Variants in ADAP1 observed in about 807,000 individuals in gnomAD.
ADAP1 encodes the protein arf-GAP with dual PH domain-containing protein 1.
ADAP1 carries 31 observed loss-of-function variants against 54.9 expected under a neutral mutation model. The observed-to-expected ratio is 0.56, with a 90% CI of 0.42 to 0.76. ADAP1 has a LOEUF of 0.76. Among genes scored for constraint, ADAP1 ranks in the 30% least tolerant of loss-of-function variants. The pLI is 0.00. For synonymous variants in ADAP1, 313 were observed against 202.6 expected, an observed-to-expected ratio of 1.55 and a Z score of -4.63; for missense variants, 535 against 512.4, an observed-to-expected ratio of 1.04 and a Z score of -0.42.
chr7:954,098 C>G (rs1412610147), intron 1 of ADAP1, among the ~76,000 whole-genome samples: 1 of 152,104 alleles, frequency 6.6e-6, no homozygotes, highest in Non-Finnish European at 1.5e-5. Context: ...GGCGGGCGGT[C>G]CGCGGTGACC....
At chr7:916,104 C>G (rs926485589) in intron 4 of ADAP1, among the ~76,000 whole-genome samples, 1 of 152,236 alleles carries the variant, frequency 6.6e-6, no homozygotes, top group African/African-American at 2.4e-5. Context: ...AAGTCACATC[C>G]CGGCCCGACC....
chr7:944,199 G>A (rs1847081825), intron 1 of ADAP1, among the ~76,000 whole-genome samples: 1 of 151,496 alleles, frequency 6.6e-6, no homozygotes, highest in Non-Finnish European at 1.5e-5. Flanking sequence ...TTACAGGCAT[G>A]AGCCACTTCG....
At chr7:900,913 C>T (rs769907765) in intron 6 of ADAP1, 43 of 578,046 alleles carry the variant, frequency 7.4e-5, no homozygotes, top group South Asian at 5.6e-4. Flanking sequence ...TGGACAGGGT[C>T]GGGGGCTGCC....
In ADAP1 at chr7:905,371, G is replaced by GAGAAAGGAGAAAGGA. The variant is rs376551972; in HGVS notation, c.389-200_389-199insTCCTTTCTCCTTTCT. 8.7e-4 allele frequency: 53 copies of GAGAAAGGAGAAAGGA among 60,656 alleles called. 9 individuals are homozygous for GAGAAAGGAGAAAGGA. Among genetic ancestry groups the GAGAAAGGAGAAAGGA allele is most frequent in the African/African-American group, 2.3e-3 (5 of 2,128 alleles). 3.8% of individuals were successfully genotyped at this position (60,656 alleles called of 1,614,324 possible). On this transcript the variant is annotated intron_variant, in intron 4 of 10. Transcript: ENST00000265846. ...GGAAGATGGGCAGGGAAAGGGAAAG[G>GAGAAAGGAGAAAGGA]GAAAGGAGAAAGGAGAAAGGAGAAA...
In ADAP1 at chr7:905,285, CG is replaced by C. The variant is rs1554271621; in HGVS notation, c.389-114del. On this transcript the variant is annotated intron_variant, in intron 4 of 10. Coordinates refer to ENST00000265846, the MANE Select transcript of ADAP1 (RefSeq NM_006869.4). ...GGGGAGAAGACACGGGGGACACGGACGGGGGACACGGACAGGGGGAGACGGA... is the reference window on the plus strand; with the variant it reads ...GGGGAGAAGACACGGGGGACACGGACGGGGACACGGACAGGGGGAGACGGA... The C allele has an allele frequency of 1.7e-4, 41 of 236,024 alleles. 1 individual carries two copies. The highest frequency in any genetic ancestry group is 1.9e-4 in the Non-Finnish European group (25 of 134,816). 14.6% of individuals were successfully genotyped at this position (236,024 alleles called of 1,614,324 possible).
chr7:919,167 G>A (rs964376716), intron 4 of ADAP1, among the ~76,000 whole-genome samples: 1 of 152,208 alleles, frequency 6.6e-6, no homozygotes, highest in Non-Finnish European at 1.5e-5. Context: ...CAGGCCTAGG[G>A]GAGGTGGAGG....
chr7:933,548 G>C (rs62433081), intron 2 of ADAP1, among the ~76,000 whole-genome samples: 430 of 104,492 alleles, frequency 4.1e-3, no homozygotes, highest in Middle Eastern at 0.017. Context: ...AGTGGTGCTG[G>C]AGAGCCGGGG....
chr7:918,915 G>A (rs1415687656), intron 4 of ADAP1, among the ~76,000 whole-genome samples: 1 of 40,524 alleles, frequency 2.5e-5, no homozygotes. Flanking sequence ...AGAAGCAGGA[G>A]TTGGGGACTG....
At position 926,694 on chromosome 7, in the gene ADAP1, C is replaced by T. The variant is rs1371806689; in HGVS notation, c.214-50G>A. 1.3e-5 allele frequency: 19 copies of T among 1,432,366 alleles called. No individual in the cohort carries two copies. The highest frequency in any genetic ancestry group is 1.7e-5 in the Non-Finnish European group (18 of 1,069,384). 88.7% of individuals were successfully genotyped at this position (1,432,366 alleles called of 1,614,324 possible). A position where few individuals can be genotyped will look rare whatever the true frequency, so the allele number is the denominator to read the frequency against. On this transcript the variant is annotated intron_variant, in intron 2 of 10. Coordinates refer to ENST00000265846, the MANE Select transcript of ADAP1 (RefSeq NM_006869.4). The surrounding 1 kb of genome is among the most constrained non-coding windows in gnomAD (Gnocchi z 4.6). ...AGAGGCCTGGGGTCCCAGGGGCAGC[C>T]TAGGAGGTGCCAGCTGCCCTTGGGG...
At position 904,149 on chromosome 7, in the gene ADAP1, A is replaced by G. The variant is rs1844967739; in HGVS notation, c.625T>C (p.Phe209Leu). 6.2e-7 allele frequency: 1 copy of G among 1,612,556 alleles called. No individual in the cohort carries two copies. Among genetic ancestry groups the G allele is most frequent in the Non-Finnish European group, 8.5e-7 (1 of 1,179,836 alleles). ...ACCTTCCCGTCCTCATGGTAGATGA[A>G]GATGTTACGGGTGCTGTTGTCCTTC... The part of the protein sequence containing the change: ...YLKDNSTRNI[F>L]IYHEDGKEIV... Residue 209 changes from phenylalanine (F) to leucine (L), a missense_variant, in exon 6 of 11, where the codon TTC becomes CTC. Coordinates refer to ENST00000265846, the MANE Select transcript of ADAP1 (RefSeq NM_006869.4).
At chr7:950,091 C>T (rs1847231229) in intron 1 of ADAP1, among the ~76,000 whole-genome samples, 1 of 152,226 alleles carries the variant, frequency 6.6e-6, no homozygotes. Context: ...TTCATCCACA[C>T]AGGGTATGAT....
intron 3 of ADAP1, among the ~76,000 whole-genome samples, chr7:924,596 C>T (rs1156306630): frequency 1.3e-5 from 2 of 150,570 alleles, no homozygotes; most frequent in Non-Finnish European, 3.0e-5. Flanking sequence ...ACTGCAGGTC[C>T]ACACTGCACC....
At chr7:922,752 A>G (rs2128105694) in intron 3 of ADAP1, among the ~76,000 whole-genome samples, 1 of 152,116 alleles carries the variant, frequency 6.6e-6, no homozygotes, top group South Asian at 2.1e-4. Context: ...GCTCACCCAG[A>G]TGGGTTTTTT....
chr7:919,043 A>G (rs1415173126), intron 4 of ADAP1, among the ~76,000 whole-genome samples: 1 of 152,040 alleles, frequency 6.6e-6, no homozygotes, highest in Non-Finnish European at 1.5e-5. Flanking sequence ...CTGGCCTCCC[A>G]GGCCCCCATG....
At chr7:918,716 T>C (rs1846034487) in intron 4 of ADAP1, among the ~76,000 whole-genome samples, 1 of 152,150 alleles carries the variant, frequency 6.6e-6, no homozygotes, top group Non-Finnish European at 1.5e-5. Context: ...TCCGTTTCCC[T>C]GTCGACACGG....
chr7:903,296 CGGGCACGTGGGAGGGGAT>C (rs556787742), intron 6 of ADAP1, among the ~76,000 whole-genome samples: 152 of 152,164 alleles, frequency 1.0e-3, no homozygotes, highest in African/African-American at 3.5e-3. Context: ...AGGCAGGGGA[CGGGCACGTGGGAGGGGAT>C]GGAAAGAGCT....
rs998632718 is a variant in ADAP1 at position 926,168 on chromosome 7, G to A, written c.305+385C>T. Among the ~76,000 whole-genome samples, 4 of 151,378 alleles carry A rather than the reference G, an allele frequency of 2.6e-5. 1 individual carries two copies. Among genetic ancestry groups the A allele is most frequent in the African/African-American group, 7.3e-5 (3 of 41,290 alleles). ...TCCCCAACCGGCCACCGGTACCCACGTCCGCTCCCGCCCTGAGGAGCCAGG... is the reference window on the plus strand; with the variant it reads ...TCCCCAACCGGCCACCGGTACCCACATCCGCTCCCGCCCTGAGGAGCCAGG... On this transcript the variant is annotated intron_variant, in intron 3 of 10. Coordinates refer to ENST00000265846, the MANE Select transcript of ADAP1 (RefSeq NM_006869.4). The surrounding 1 kb of genome is among the most constrained non-coding windows in gnomAD (Gnocchi z 4.6).
chr7:942,819 G>GA (rs1562936173), intron 1 of ADAP1, among the ~76,000 whole-genome samples: 2 of 4,988 alleles, frequency 4.0e-4, no homozygotes, highest in Non-Finnish European at 4.4e-4. Flanking sequence ...GAGGAGGAAG[G>GA]GAGGAGGAGG....
At chr7:919,463 G>A (rs896429953) in intron 4 of ADAP1, among the ~76,000 whole-genome samples, 16 of 151,964 alleles carry the variant, frequency 1.1e-4, no homozygotes, top group African/African-American at 3.4e-4. Flanking sequence ...CAGGTCCGGG[G>A]ACGCGGGTTC....
Sources: allele counts gnomAD v4.1 joint callset (sites outside exome capture counted in the v4.1 genomes callset), GRCh38; gene constraint gnomAD v4.1.1; non-coding constraint Gnocchi (gnomAD v3.1); transcripts MANE v1.5; gene names NCBI Gene and HGNC (gene_info 2026-07-23, HGNC 2026-07-21).